The following ABR variants were observed in gnomAD, a reference collection of about 807,000 sequenced individuals.
ABR encodes active breakpoint cluster region-related protein.
In ABR, 35 loss-of-function variants were observed where a neutral mutation model predicts 107.2. That is an observed-to-expected ratio of 0.33 (90% CI 0.25 to 0.43). ABR has a LOEUF of 0.43. Among genes scored for constraint, ABR ranks in the 20% least tolerant of loss-of-function variants. The probability of loss-of-function intolerance (pLI) is 1.00; values close to 1 mark genes in which losing one functional copy is unlikely to be tolerated. For synonymous variants in ABR, 498 were observed against 462.0 expected (o/e 1.08, Z -1.00); for missense variants, 815 against 1,115.2 (o/e 0.73, Z 3.83).
At chr17:1,039,167 G>A (rs1028225279) in intron 16 of ABR, among the ~76,000 whole-genome samples, 6 of 152,218 alleles carry the variant, frequency 3.9e-5, no homozygotes, top group Non-Finnish European at 7.3e-5. Flanking sequence ...CTGAGGTCCT[G>A]TCTGGACCGG....
intron 1 of ABR, chr17:1,126,286 T>G (rs1014679513): frequency 9.9e-5 from 15 of 152,266 alleles, no homozygotes; most frequent in African/African-American, 3.6e-4. Flanking sequence ...GGAGGGACCC[T>G]CCCACAAACC....
chr17:1,137,031 CT>C, intron 1 of ABR, among the ~76,000 whole-genome samples: 1 of 143,402 alleles, frequency 7.0e-6, no homozygotes, highest in African/African-American at 2.6e-5. Flanking sequence ...CTCTCTCTTT[CT>C]CTCTTCCTTC....
intron 1 of ABR, among the ~76,000 whole-genome samples, chr17:1,133,236 C>T (rs1013964691): frequency 1.4e-5 from 2 of 140,418 alleles, no homozygotes; most frequent in African/African-American, 5.0e-5. Flanking sequence ...GAGCAAAACT[C>T]CGTCTCGAAA....
At chr17:1,136,228 G>GTTTT (rs2040059534) in intron 1 of ABR, among the ~76,000 whole-genome samples, 4 of 151,750 alleles carry the variant, frequency 2.6e-5, no homozygotes, top group Admixed American at 2.0e-4. Flanking sequence ...TGTTTTGTTT[G>GTTTT]GTTTTGTTGT....
intron 1 of ABR, among the ~76,000 whole-genome samples, chr17:1,203,252 G>A (rs933155923): frequency 2.6e-5 from 4 of 151,906 alleles, no homozygotes; most frequent in Non-Finnish European, 5.9e-5. Context: ...CTCCTTGGAA[G>A]GGGCTTCGGA....
At chr17:1,213,458 C>T (rs943175763) in intron 1 of ABR, among the ~76,000 whole-genome samples, 4 of 151,128 alleles carry the variant, frequency 2.6e-5, no homozygotes, top group Non-Finnish European at 4.4e-5. Context: ...GGTGCAATCT[C>T]GGCTCACTGC....
At chr17:1,138,091 A>T in intron 1 of ABR, among the ~76,000 whole-genome samples, 1 of 148,846 alleles carries the variant, frequency 6.7e-6, no homozygotes, top group African/African-American at 2.5e-5. Context: ...TTTAGTAGAG[A>T]TGGGGTTTCA....
chr17:1,011,167 C>T lies in ABR; in HGVS notation c.2102-304G>A, dbSNP rs563140879. On this transcript the variant is annotated intron_variant, in intron 19 of 22. Transcript: ENST00000302538. The surrounding 1 kb of genome is among the most constrained non-coding windows in gnomAD (Gnocchi z 4.8). ...TACCATGTGGCCTGCAGCTTCCTTC[C>T]GACTGGAACCTCTCCATCGCTAAGC... is the stretch of plus-strand genomic sequence containing the variant. 2.5e-4 allele frequency: 95 copies of T among 385,162 alleles called. No homozygotes were observed. The highest frequency in any genetic ancestry group is 3.9e-4 in the African/African-American group (19 of 48,774). 23.9% of individuals were successfully genotyped at this position (385,162 alleles called of 1,614,324 possible).
Position 1,179,619 on chromosome 17 carries a change from G to C in ABR, c.61+48C>G. 1 of 1,462,768 alleles carries C rather than the reference G, an allele frequency of 6.8e-7. No individual in the cohort carries two copies. The highest frequency in any genetic ancestry group is 9.1e-7 in the Non-Finnish European group (1 of 1,102,280). 90.6% of individuals were successfully genotyped at this position (1,462,768 alleles called of 1,614,324 possible). A position where few individuals can be genotyped will look rare whatever the true frequency, so the allele number is the denominator to read the frequency against. On this transcript the variant is annotated intron_variant, in intron 1 of 22. Coordinates refer to ENST00000302538, the MANE Select transcript of ABR (RefSeq NM_021962.5). The surrounding 1 kb of genome is among the most constrained non-coding windows in gnomAD (Gnocchi z 4.9). ...TCCTGGGGTCCCGATCTCCATCCTG[G>C]GGTCCCGATCCCGATCCTGGGGTCC...
chr17:1,161,798 A>G (rs1050552088), intron 1 of ABR, among the ~76,000 whole-genome samples: 14 of 148,074 alleles, frequency 9.5e-5, no homozygotes, highest in African/African-American at 3.2e-4. Context: ...CAGGTGATCC[A>G]CCCGCCTCGA....
upstream of ABR, among the ~76,000 whole-genome samples, chr17:1,180,558 C>G (rs1168103699): frequency 6.6e-6 from 1 of 152,214 alleles, no homozygotes; most frequent in East Asian, 1.9e-4. Context: ...GGGGCCAGGA[C>G]AGTCCCACAT....
At chr17:1,018,289 A>ATCCG (rs2150790863) in intron 16 of ABR, among the ~76,000 whole-genome samples, 1 of 151,976 alleles carries the variant, frequency 6.6e-6, no homozygotes, top group Non-Finnish European at 1.5e-5. Context: ...TGATTCGCCC[A>ATCCG]CCTCGGCCTC....
rs891926704 is a variant in ABR at position 1,025,286 on chromosome 17, ACT to A, written c.1792-12124_1792-12123del. On this transcript the variant is annotated intron_variant, in intron 16 of 22. Coordinates refer to ENST00000302538, the MANE Select transcript of ABR (RefSeq NM_021962.5). ...ACTCCAGCCTGGGCGACACAGCAAG[ACT>A]CTGTCTCAAAACAACAACAGCAAAC... 5.3e-5 allele frequency among the ~76,000 whole-genome samples: 8 copies of A among 152,104 alleles called. 1 individual carries two copies. Among genetic ancestry groups the A allele is most frequent in the Admixed American group, 3.9e-4 (6 of 15,258 alleles).
chr17:1,043,814 G>A (rs1293238061), intron 16 of ABR, among the ~76,000 whole-genome samples: 1 of 152,242 alleles, frequency 6.6e-6, no homozygotes, highest in African/African-American at 2.4e-5. Flanking sequence ...GTGGGGAAGT[G>A]GAGCTGCCTC....
intron 16 of ABR, among the ~76,000 whole-genome samples, chr17:1,021,516 G>A (rs2071630932): frequency 6.6e-6 from 1 of 152,214 alleles, no homozygotes; most frequent in African/African-American, 2.4e-5. Context: ...AAAAAAAAGT[G>A]CTTCTTCAGC....
intron 10 of ABR, among the ~76,000 whole-genome samples, chr17:1,061,437 T>G (rs2033912531): frequency 2.6e-5 from 4 of 152,226 alleles, no homozygotes; most frequent in Admixed American, 2.6e-4. Flanking sequence ...CTCCTGGGGC[T>G]GTAATGGTGA....
Position 1,125,294 on chromosome 17 carries a change from C to T in ABR, c.135G>A (p.Glu45=). ...GCGACTCATCGATGTACGGCATGGT[C>T]TCTGAGCCCTCCGGGGGCCCCTTCT... ...EEQKGPPEGS[E]TMPYIDESPT... is the part of the protein sequence containing the mutation. Residue 45 remains glutamate, a synonymous_variant, in exon 2 of 23, where the codon GAG becomes GAA. Transcript: ENST00000302538. 6.2e-7 allele frequency: 1 copy of T among 1,613,998 alleles called. No homozygotes were observed. The highest frequency in any genetic ancestry group is 2.2e-5 in the East Asian group (1 of 44,878).
At chr17:1,108,930 C>T in intron 2 of ABR, 1 of 1,589,896 alleles carries the variant, frequency 6.3e-7, no homozygotes, top group Non-Finnish European at 8.5e-7. Flanking sequence ...TGTCACGCTC[C>T]CACCTTCACA....
intron 17 of ABR, 113 bp downstream of exon 17, chr17:1,012,992 G>A: frequency 7.5e-7 from 1 of 1,334,868 alleles, no homozygotes; most frequent in Non-Finnish European, 1.1e-6. Flanking sequence ...GCTGCGGGGA[G>A]GTCGAGGCGG....
Sources: allele counts gnomAD v4.1 joint callset (sites outside exome capture counted in the v4.1 genomes callset), GRCh38; gene constraint gnomAD v4.1.1; non-coding constraint Gnocchi (gnomAD v3.1); transcripts MANE v1.5; gene names NCBI Gene and HGNC (gene_info 2026-07-23, HGNC 2026-07-21).